The following NR3C2 variants were observed in gnomAD, a reference collection of about 807,000 sequenced individuals.
NR3C2 encodes the protein nuclear receptor subfamily 3 group C member 2, also known as mineralocorticoid receptor.
NR3C2 carries 15 observed loss-of-function variants against 86.4 expected under a neutral mutation model. The ratio of observed to expected loss-of-function variants is 0.17; its 90% CI spans 0.12 to 0.27. NR3C2 has a LOEUF of 0.27. Ranked by LOEUF, NR3C2 falls within the 10% of genes least tolerant of loss-of-function variation. The pLI is 1.00. For missense variants in NR3C2, 960 were observed against 1,195.6 expected, an observed-to-expected ratio of 0.80 and a Z score of 2.91; for synonymous variants, 458 against 450.5, an observed-to-expected ratio of 1.02 and a Z score of -0.21.
chr4:148,144,297 G>T (rs1212091108), intron 6 of NR3C2, among the ~76,000 whole-genome samples: 2 of 152,026 alleles, frequency 1.3e-5, no homozygotes, highest in Non-Finnish European at 2.9e-5. Context: ...TGAACTCCTG[G>T]TTGCTCAAGT....
chr4:148,340,298 T>C (rs2149980204), intron 2 of NR3C2, among the ~76,000 whole-genome samples: 1 of 152,230 alleles, frequency 6.6e-6, no homozygotes, highest in African/African-American at 2.4e-5. Flanking sequence ...AGCATAGTAC[T>C]GGTATAAAAA....
At chr4:148,376,920 T>C (rs1350816175) in intron 2 of NR3C2, among the ~76,000 whole-genome samples, 1 of 152,198 alleles carries the variant, frequency 6.6e-6, no homozygotes, top group Non-Finnish European at 1.5e-5. Flanking sequence ...CTCAAAGTTA[T>C]ACTTTTTTTG....
chr4:148,239,070 C>G lies in NR3C2; in HGVS notation c.1897+20908G>C, dbSNP rs572335067. ...TACAGCTGAAGAATAGACGTAGAGG[C>G]ATGAGTGAAAAGTGATGAAACTAGA... On this transcript the variant is annotated intron_variant, in intron 3 of 8. Transcript: ENST00000358102. Among the ~76,000 whole-genome samples the G allele has an allele frequency of 3.3e-5, 5 of 152,256 alleles. No individual in the cohort carries two copies. The East Asian group carries it at 5.8e-4, about 18-fold the overall frequency.
At chr4:148,167,969 C>T (rs1157011871) in intron 4 of NR3C2, among the ~76,000 whole-genome samples, 1 of 152,200 alleles carries the variant, frequency 6.6e-6, no homozygotes, top group Non-Finnish European at 1.5e-5. Flanking sequence ...CCAGGGGGAC[C>T]TAATGCTGTT....
chr4:148,281,431 C>CA (rs1741233917), intron 2 of NR3C2, among the ~76,000 whole-genome samples: 1 of 152,166 alleles, frequency 6.6e-6, no homozygotes, highest in African/African-American at 2.4e-5. Flanking sequence ...ACAAAATGGG[C>CA]AAATAATGTA....
In NR3C2 at chr4:148,423,644, A is replaced by G. The variant is rs61758359; in HGVS notation, c.1757+11460T>C. Among the ~76,000 whole-genome samples the G allele has an allele frequency of 9.1e-3, 1,393 of 152,340 alleles. 12 individuals carry two copies. Among genetic ancestry groups the G allele is most frequent in the Middle Eastern group, 0.02 (6 of 294 alleles). On this transcript the variant is annotated intron_variant, in intron 2 of 8. Coordinates refer to ENST00000358102, the MANE Select transcript of NR3C2 (RefSeq NM_000901.5). Reference sequence around the variant, plus strand: ...AGTGGGGACATTTGGTTTGTTTCATATTCATTTTTTTGTTCACCCACATTA... The same window carrying G: ...AGTGGGGACATTTGGTTTGTTTCATGTTCATTTTTTTGTTCACCCACATTA...
At chr4:148,399,205 A>T (rs1425854023) in intron 2 of NR3C2, among the ~76,000 whole-genome samples, 1 of 152,108 alleles carries the variant, frequency 6.6e-6, no homozygotes, top group Non-Finnish European at 1.5e-5. Context: ...GCCTGCTTGT[A>T]CTCAGACTCC....
intron 7 of NR3C2, among the ~76,000 whole-genome samples, chr4:148,115,947 C>T (rs1210080632): frequency 6.6e-6 from 1 of 151,968 alleles, no homozygotes; most frequent in Admixed American, 6.6e-5. Flanking sequence ...ACAGTAATAA[C>T]CAGGATGTTA....
intron 7 of NR3C2, among the ~76,000 whole-genome samples, chr4:148,114,819 C>A (rs1732198848): frequency 6.6e-6 from 1 of 152,168 alleles, no homozygotes; most frequent in Admixed American, 6.5e-5. Flanking sequence ...TCCTCATTCT[C>A]AAGTTCAGAT....
chr4:148,431,389 T>C (rs1749795107), intron 2 of NR3C2, among the ~76,000 whole-genome samples: 1 of 152,168 alleles, frequency 6.6e-6, no homozygotes, highest in Non-Finnish European at 1.5e-5. Flanking sequence ...GAAATTACAC[T>C]GGCAGCTCTT....
intron 2 of NR3C2, among the ~76,000 whole-genome samples, chr4:148,362,591 T>G (rs1281148364): frequency 6.6e-6 from 1 of 152,224 alleles, no homozygotes; most frequent in Non-Finnish European, 1.5e-5. Context: ...CGCTTTCATC[T>G]GCTCAAAAGT....
At chr4:148,331,198 AT>A (rs1245514415) in intron 2 of NR3C2, among the ~76,000 whole-genome samples, 1 of 151,152 alleles carries the variant, frequency 6.6e-6, no homozygotes, top group Non-Finnish European at 1.5e-5. Flanking sequence ...AGGAAAAAAA[AT>A]ATGTCATTTT....
intron 2 of NR3C2, among the ~76,000 whole-genome samples, chr4:148,379,907 T>C (rs1579228478): frequency 1.3e-5 from 2 of 152,190 alleles, no homozygotes; most frequent in Admixed American, 1.3e-4. Flanking sequence ...CCCACCTAAT[T>C]TGGAAAACTA....
Position 148,145,377 on chromosome 4 carries a change from C to T in NR3C2, c.2510+7092G>A, listed in dbSNP as rs766755879. Among the ~76,000 whole-genome samples the T allele has an allele frequency of 4.2e-4, 64 of 152,162 alleles. 1 individual carries two copies. Among genetic ancestry groups the T allele is most frequent in the Non-Finnish European group, 3.7e-4 (25 of 68,032 alleles). On this transcript the variant is annotated intron_variant, in intron 6 of 8. Coordinates refer to ENST00000358102, the MANE Select transcript of NR3C2 (RefSeq NM_000901.5). ...TCAGGGGAGAAGGGACGCAATCTCC[C>T]GGAAAGCATGCCAACGTGTAAGACC... is the stretch of plus-strand genomic sequence containing the variant.
At chr4:148,387,274 G>A (rs147454045) in intron 2 of NR3C2, among the ~76,000 whole-genome samples, 198 of 152,242 alleles carry the variant, frequency 1.3e-3, no homozygotes, top group African/African-American at 4.5e-3. Flanking sequence ...ACAAGCATGA[G>A]GATGAAAGCT....
chr4:148,169,606 TA>T (rs1430535049), intron 4 of NR3C2, among the ~76,000 whole-genome samples: 1 of 152,110 alleles, frequency 6.6e-6, no homozygotes, highest in Non-Finnish European at 1.5e-5. Context: ...AAATAACTAC[TA>T]AAAGCTATGG....
chr4:148,234,825 C>A (rs953215486), intron 3 of NR3C2, among the ~76,000 whole-genome samples: 3 of 151,932 alleles, frequency 2.0e-5, no homozygotes, highest in African/African-American at 7.3e-5. Context: ...TATTTTTTAA[C>A]TTTTATTTCA....
rs1371053132 is a variant in NR3C2, at chr4:148,081,092, C to T, written c.*252G>A. On this transcript the variant is annotated 3_prime_UTR_variant, in exon 9 of 9. Coordinates refer to ENST00000358102, the MANE Select transcript of NR3C2 (RefSeq NM_000901.5). ...TATTGACTAGATATGGCTTTTCATC[C>T]CGAGGAACAGGAACATGTTTCTAAG... 3.8e-6 allele frequency: 2 copies of T among 520,870 alleles called. No homozygotes were observed. Among genetic ancestry groups the T allele is most frequent in the East Asian group, 3.5e-5 (1 of 28,494 alleles). The allele number at this position is 520,870 out of a possible 1,614,324, so 32.3% of individuals were successfully genotyped here. A position where few individuals can be genotyped will look rare whatever the true frequency, so the allele number is the denominator to read the frequency against.
At chr4:148,315,283 G>A (rs72655295) in intron 2 of NR3C2, among the ~76,000 whole-genome samples, 97 of 152,230 alleles carry the variant, frequency 6.4e-4, no homozygotes, top group Admixed American at 1.1e-3. Context: ...TTGGTGGTTG[G>A]AAGCTGTCAC....
Sources: gnomAD v4.1 joint callset for allele counts (sites outside exome capture counted in the v4.1 genomes callset) on GRCh38, gnomAD v4.1.1 for gene constraint, MANE v1.5 for transcripts, NCBI Gene and HGNC (gene_info 2026-07-23, HGNC 2026-07-21) for gene names.